The following PVR variants were observed in gnomAD, a reference collection of about 807,000 sequenced individuals.
PVR encodes the protein poliovirus receptor.
A neutral mutation model predicts 43.3 loss-of-function variants in PVR; 39 were observed. The ratio of observed to expected loss-of-function variants is 0.90; its 90% confidence interval spans 0.70 to 1.18. The LOEUF (loss-of-function observed/expected upper bound fraction) is 1.18. Among genes scored for constraint, PVR ranks in the 50% most tolerant of loss-of-function variants. PVR has a pLI of 0.00. For synonymous variants in PVR, 224 were observed against 233.2 expected (o/e 0.96, Z 0.36); for missense variants, 480 against 549.7 (o/e 0.87, Z 1.27).
intron 4 of PVR, among the ~76,000 whole-genome samples, chr19:44,654,221 A>G (rs203707): frequency 0.45 from 62,221 of 138,612 alleles, 16,976 homozygotes; most frequent in African/African-American, 0.8. Context: ...TGGGACTGAG[A>G]GAGGAGGGGC....
rs1055886993 is a variant in PVR, at chr19:44,664,570, T to C, written c.*2759T>C. On this transcript the variant is annotated 3_prime_UTR_variant, in exon 8 of 8. Coordinates refer to ENST00000425690, the MANE Select transcript of PVR (RefSeq NM_006505.5). ...ATTCAGAGAATGCCTCCTGAGTTGT[T>C]CTACACCCACCTCATATTCCATGGG... is the stretch of plus-strand genomic sequence containing the variant. 3 of 152,124 alleles carry C rather than the reference T, an allele frequency of 2.0e-5. No homozygotes were observed. Among genetic ancestry groups the C allele is most frequent in the African/African-American group, 7.2e-5 (3 of 41,416 alleles). 9.4% of individuals were successfully genotyped at this position (152,124 alleles called of 1,614,324 possible). A position where few individuals can be genotyped will look rare whatever the true frequency, so the allele number is the denominator to read the frequency against.
intron 3 of PVR, among the ~76,000 whole-genome samples, chr19:44,650,561 CTTTTTTT>C (rs869225120): frequency 1.5e-5 from 2 of 135,526 alleles, no homozygotes; most frequent in East Asian, 2.1e-4. Context: ...TCTTTCTTTC[CTTTTTTT>C]TTTTTTTTTT....
In PVR at chr19:44,647,387, CA is replaced by C. The variant is rs775798327; in HGVS notation, c.245del (p.Gln82ArgfsTer27). ...CAGCATGGCCGTCTTCCACCAAACG[CA>C]GGGCCCCAGCTATTCGGAGTCCAAA... ...SGSMAVFHQT[Q>X]GPSYSESKRL... On this transcript the variant is annotated frameshift_variant, in exon 2 of 8. Coordinates refer to ENST00000425690, the MANE Select transcript of PVR (RefSeq NM_006505.5). LOFTEE classifies it high-confidence loss of function. 5 of 1,614,072 alleles carry C rather than the reference CA, an allele frequency of 3.1e-6. No homozygotes were observed. The highest frequency in any genetic ancestry group is 1.7e-6 in the Non-Finnish European group (2 of 1,179,992).
At chr19:44,652,612 G>A (rs1488213589) in intron 3 of PVR, among the ~76,000 whole-genome samples, 1 of 152,022 alleles carries the variant, frequency 6.6e-6, no homozygotes, top group Non-Finnish European at 1.5e-5. Context: ...TCAAACTCCT[G>A]ACCTCGTGAT....
chr19:44,655,929 G>A (rs1040808469), intron 4 of PVR, among the ~76,000 whole-genome samples: 11 of 146,792 alleles, frequency 7.5e-5, no homozygotes, highest in African/African-American at 2.8e-4. Flanking sequence ...TAGTGCCGTG[G>A]CACAATCACA....
intron 4 of PVR, 49 bp downstream of exon 4, chr19:44,654,066 C>T (rs540067072): frequency 3.5e-6 from 5 of 1,435,786 alleles, no homozygotes; most frequent in Middle Eastern, 1.8e-4. Context: ...GGATTTCTAG[C>T]ACTGAGGGAG....
chr19:44,647,136 A>C, intron 1 of PVR, 87 bp from the exon 2 acceptor site: 1 of 794,704 alleles, frequency 1.3e-6, no homozygotes, highest in Non-Finnish European at 1.7e-6. Context: ...GTGCAAGTGC[A>C]CGCCCAGGTG....
chr19:44,647,800 C>T (rs1973173060), intron 2 of PVR, among the ~76,000 whole-genome samples: 1 of 151,722 alleles, frequency 6.6e-6, no homozygotes, highest in Non-Finnish European at 1.5e-5. Context: ...GGAGTAAGGA[C>T]CCCCAAGCCT....
rs1973059309 is a variant in PVR at position 44,645,146 on chromosome 19, T to TAA, written c.79+971_79+972insAA. Among the ~76,000 whole-genome samples the TAA allele has an allele frequency of 6.1e-5, 5 of 82,436 alleles. 1 individual carries two copies. Among genetic ancestry groups the TAA allele is most frequent in the African/African-American group, 2.3e-4 (5 of 21,648 alleles). 54.1% of individuals were successfully genotyped at this position (82,436 alleles called of 152,430 possible). ...ATATTATAATATATTATATATATTA[T>TAA]TATAATATATAATATGTATATTATA... On this transcript the variant is annotated intron_variant, in intron 1 of 7. Transcript: ENST00000425690.
At chr19:44,656,539 C>T (rs1973451011) in intron 4 of PVR, among the ~76,000 whole-genome samples, 1 of 152,196 alleles carries the variant, frequency 6.6e-6, no homozygotes, top group Non-Finnish European at 1.5e-5. Context: ...AATTAACCAA[C>T]ATACGTTGGT....
Position 44,665,243 on chromosome 19 carries a change from CTT to C in PVR, c.*3435_*3436del, listed in dbSNP as rs1005935173. 6.6e-6 allele frequency: 1 copy of C among 152,218 alleles called. No homozygotes were observed. Among genetic ancestry groups the C allele is most frequent in the African/African-American group, 2.4e-5 (1 of 41,452 alleles). 9.4% of individuals were successfully genotyped at this position (152,218 alleles called of 1,614,324 possible). A position where few individuals can be genotyped will look rare whatever the true frequency, so the allele number is the denominator to read the frequency against. ...TTGCTCCTGCACGGGAGTCGGGAATCTTTTCAGGTTGATACGATCTCACCTTG... is the reference window on the plus strand; with the variant it reads ...TTGCTCCTGCACGGGAGTCGGGAATCTTCAGGTTGATACGATCTCACCTTG... On this transcript the variant is annotated 3_prime_UTR_variant, in exon 8 of 8. Transcript: ENST00000425690.
intron 6 of PVR, among the ~76,000 whole-genome samples, chr19:44,659,636 C>A (rs1973543694): frequency 6.6e-6 from 1 of 152,150 alleles, no homozygotes; most frequent in Admixed American, 6.5e-5. Flanking sequence ...GCACGCACTA[C>A]TATGCCCAGC....
chr19:44,644,241 C>A, intron 1 of PVR, 66 bp downstream of exon 1: 1 of 1,299,734 alleles, frequency 7.7e-7, no homozygotes, highest in Non-Finnish European at 1.0e-6. Context: ...AGGCCGGGTA[C>A]TCGCCCCCTT....
At chr19:44,645,116 ATAATATATTATAATATATTATATATAT>A (rs1973052016) in intron 1 of PVR, among the ~76,000 whole-genome samples, 4 of 81,340 alleles carry the variant, frequency 4.9e-5, no homozygotes, top group Admixed American at 2.0e-4. Context: ...ATAGTAATAT[ATAATATATTATAATATATTATATATAT>A]TATTATAATA....
At chr19:44,657,389 T>C (rs1020831540) in intron 4 of PVR, among the ~76,000 whole-genome samples, 3 of 152,074 alleles carry the variant, frequency 2.0e-5, no homozygotes, top group African/African-American at 7.2e-5. Flanking sequence ...AGCTGAGGTA[T>C]GGGAACTGAC....
intron 3 of PVR, among the ~76,000 whole-genome samples, chr19:44,652,509 G>A (rs1341001211): frequency 3.3e-5 from 5 of 151,888 alleles, no homozygotes; most frequent in East Asian, 1.9e-4. Context: ...TCAGCCTCCC[G>A]AGTAGCTGGG....
chr19:44,649,737 C>T lies in PVR; in HGVS notation c.428-72C>T, dbSNP rs1025465093. On this transcript the variant is annotated intron_variant, in intron 2 of 7. Coordinates refer to ENST00000425690, the MANE Select transcript of PVR (RefSeq NM_006505.5). Reference sequence around the variant, plus strand: ...CGCCCAGCAACCATGCCATCCTGTACCCTTAATGAATGCCCCCTTCTGCCA... The same window carrying T: ...CGCCCAGCAACCATGCCATCCTGTATCCTTAATGAATGCCCCCTTCTGCCA... 12 of 1,518,214 alleles carry T rather than the reference C, an allele frequency of 7.9e-6. No individual in the cohort carries two copies. In the African/African-American group the frequency reaches 1.1e-4, roughly 14 times the overall value. The allele number at this position is 1,518,214 out of a possible 1,614,324, so 94.0% of individuals were successfully genotyped here.
At chr19:44,652,425 C>T (rs1973307365) in intron 3 of PVR, among the ~76,000 whole-genome samples, 1 of 151,952 alleles carries the variant, frequency 6.6e-6, no homozygotes, top group Admixed American at 6.6e-5. Context: ...GCTCTGTCAC[C>T]CAGGCTAGAG....
chr19:44,656,046 T>C (rs1003552041), intron 4 of PVR, among the ~76,000 whole-genome samples: 1 of 151,856 alleles, frequency 6.6e-6, no homozygotes, highest in Non-Finnish European at 1.5e-5. Flanking sequence ...ACCTGGCCCC[T>C]TTTTTAGTGT....
Sources: allele counts gnomAD v4.1 joint callset (sites outside exome capture counted in the v4.1 genomes callset), GRCh38; gene constraint gnomAD v4.1.1; transcripts MANE v1.5; gene names NCBI Gene and HGNC (gene_info 2026-07-23, HGNC 2026-07-21).